The following TENT4A variants were observed in gnomAD, a reference collection of about 807,000 sequenced individuals.
TENT4A encodes the protein terminal nucleotidyltransferase 4A, also known as DNA polymerase kappa.
Under a neutral mutation model 72.8 loss-of-function variants are expected in TENT4A, and 7 were observed. The ratio of observed to expected loss-of-function variants is 0.10; its 90% CI spans 0.05 to 0.18. The LOEUF (loss-of-function observed/expected upper bound fraction) is 0.18, where lower values mean the gene tolerates loss of function less well. TENT4A is among the 10% of genes least tolerant of loss of function. The probability of loss-of-function intolerance (pLI) is 1.00; values close to 1 mark genes in which losing one functional copy is unlikely to be tolerated. For missense variants in TENT4A, 831 were observed against 1,017.7 expected (o/e 0.82, Z 2.50); for synonymous variants, 456 against 434.3 (o/e 1.05, Z -0.62).
At chr5:6,726,853 G>A (rs114257432) in intron 1 of TENT4A, among the ~76,000 whole-genome samples, 1,766 of 152,254 alleles carry the variant, frequency 0.012, 34 homozygotes, top group African/African-American at 0.04. Flanking sequence ...TTGAGGATCC[G>A]GATATAGACT....
intron 1 of TENT4A, among the ~76,000 whole-genome samples, chr5:6,732,251 C>T (rs1741252901): frequency 6.6e-6 from 1 of 152,236 alleles, no homozygotes; most frequent in Non-Finnish European, 1.5e-5. Context: ...CCAGCCAGTC[C>T]TCCCTGGCTT....
chr5:6,742,138 A>G (rs1741837991), intron 4 of TENT4A, among the ~76,000 whole-genome samples: 1 of 152,218 alleles, frequency 6.6e-6, no homozygotes, highest in Admixed American at 6.5e-5. Flanking sequence ...AATTCTGCCA[A>G]ATAAAAGTCT....
intron 1 of TENT4A, among the ~76,000 whole-genome samples, chr5:6,736,302 A>T (rs1331938015): frequency 6.6e-6 from 1 of 152,124 alleles, no homozygotes; most frequent in Non-Finnish European, 1.5e-5. Flanking sequence ...TTAACCTTAC[A>T]CAAGAGCCAA....
Position 6,751,065 on chromosome 5 carries a change from G to T in TENT4A, c.1887G>T (p.Thr629=). ...ATTCAGACACACCGCCCTGCACAAC[G>T]CCCAGTGTTTACCAGTTCAGTCTGC... ...DVDSDTPPCT[T]PSVYQFSLQA... is the part of the protein sequence containing the mutation. The change falls in exon 11 of 13, where the codon ACG becomes ACT. Residue 629 remains threonine, a synonymous_variant. Coordinates refer to ENST00000230859, the MANE Select transcript of TENT4A (RefSeq NM_006999.6). 6.2e-7 allele frequency: 1 copy of T among 1,613,956 alleles called. No individual in the cohort carries two copies. The highest frequency in any genetic ancestry group is 8.5e-7 in the Non-Finnish European group (1 of 1,179,966).
rs1488932374 is a variant in TENT4A, at chr5:6,751,043, C to T, written c.1865C>T (p.Ser622Leu). The T allele has an allele frequency of 1.2e-6, 2 of 1,613,594 alleles. No homozygotes were observed. Among genetic ancestry groups the T allele is most frequent in the Admixed American group, 3.3e-5 (2 of 59,978 alleles). Residue 622 changes from serine (S) to leucine (L), a missense_variant, in exon 11 of 13, where the codon TCA (serine) becomes TTA (leucine). By Grantham distance (145) the Ser-to-Leu change is moderately radical (BLOSUM62 -2). Transcript: ENST00000230859. ...GTTTTTTGTACCGGGTTCAAGGATT[C>T]AGACACACCGCCCTGCACAACGCCC... The part of the protein sequence containing the change: ...VSSLSGSDVD[S>L]DTPPCTTPSV...
chr5:6,713,750 CCGCGGCCT>C lies in TENT4A; in HGVS notation c.-233_-226del, dbSNP rs984697973. The C allele has an allele frequency of 6.8e-6, 1 of 146,588 alleles. No individual in the cohort carries two copies. Among genetic ancestry groups the C allele is most frequent in the African/African-American group, 2.5e-5 (1 of 40,662 alleles). The allele number at this position is 146,588 out of a possible 1,614,324, so 9.1% of individuals were successfully genotyped here. The stretch of plus-strand genomic sequence containing the variant: ...ACGCGCCAAGCGCCGGAGCCGCCCG[CCGCGGCCT>C]GCCGGGGCCCATCACCGCCGCCGCC... On this transcript the variant is annotated 5_prime_UTR_variant, in exon 1 of 13. Transcript: ENST00000230859.
chr5:6,737,769 T>G, intron 2 of TENT4A, 136 bp downstream of exon 2: 1 of 965,862 alleles, frequency 1.0e-6, no homozygotes, highest in Non-Finnish European at 1.5e-6. Context: ...CAAGTGTGCT[T>G]TGAGAAGGCC....
chr5:6,727,979 C>G (rs58000742), intron 1 of TENT4A, among the ~76,000 whole-genome samples: 3,436 of 152,322 alleles, frequency 0.023, 96 homozygotes, highest in African/African-American at 0.068. Context: ...CTGTCTCCCT[C>G]TCTCTCACTC....
chr5:6,715,088 T>G, intron 1 of TENT4A: 1 of 155,612 alleles, frequency 6.4e-6, no homozygotes, highest in Non-Finnish European at 1.4e-5. Flanking sequence ...CAGAATAATT[T>G]AGCATTGCCA....
chr5:6,748,424 G>A, intron 7 of TENT4A, 40 bp from the exon 8 acceptor site: 1 of 1,608,504 alleles, frequency 6.2e-7, no homozygotes, highest in African/African-American at 1.3e-5. Context: ...GGACGATGGT[G>A]TGCATGTGGG....
Position 6,714,254 on chromosome 5 carries a change from G to T in TENT4A, c.271G>T (p.Ala91Ser). 1.9e-6 allele frequency: 2 copies of T among 1,033,884 alleles called. No individual in the cohort carries two copies. The highest frequency in any genetic ancestry group is 1.7e-4 in the East Asian group (2 of 12,016). The allele number at this position is 1,033,884 out of a possible 1,614,324, so 64.0% of individuals were successfully genotyped here. Residue 91 changes from alanine to serine, a missense_variant, in exon 1 of 13, where the codon GCG becomes TCG. By Grantham distance (99) the Ala-to-Ser change is moderately conservative. Transcript: ENST00000230859. The part of the protein sequence containing the change: ...PAALPPALLT[A>S]LGPAAEGARR... Reference sequence around the variant, plus strand: ...CGCGCTGCCCCCCGCGCTGCTGACGGCGCTGGGGCCCGCGGCCGAGGGCGC... The same window carrying T: ...CGCGCTGCCCCCCGCGCTGCTGACGTCGCTGGGGCCCGCGGCCGAGGGCGC...
chr5:6,727,131 T>G (rs1236046986), intron 1 of TENT4A, among the ~76,000 whole-genome samples: 2 of 152,200 alleles, frequency 1.3e-5, no homozygotes, highest in Non-Finnish European at 2.9e-5. Context: ...GAGCAGGGCA[T>G]CCTGGGCTTC....
rs761127883 is a variant in TENT4A, at chr5:6,739,824, G to A, written c.980G>A (p.Cys327Tyr). The A allele has an allele frequency of 1.9e-6, 3 of 1,614,236 alleles. No homozygotes were observed. In the South Asian group the frequency reaches 3.3e-5, roughly 18 times the overall value. ...ALRKHNVAEPCSIKVLDKATV... is the reference protein window; with the variant it reads ...ALRKHNVAEPYSIKVLDKATV... ...CGGAAGCACAACGTGGCTGAGCCGT[G>A]TTCCATCAAAGTCCTTGACAAGGCT... The change falls in exon 4 of 13, where the codon TGT becomes TAT. Residue 327 changes from cysteine (C) to tyrosine (Y), a missense_variant. Around this residue, in one of 3 missense-constraint regions of TENT4A, gnomAD observed 197 missense variants for 399.6 expected, o/e 0.49. Transcript: ENST00000230859.
chr5:6,751,447 T>G, intron 11 of TENT4A: 1 of 286,120 alleles, frequency 3.5e-6, no homozygotes, highest in Non-Finnish European at 6.3e-6. Context: ...CCAGGTTGAC[T>G]GCCTTCCTGC....
chr5:6,753,003 C>G lies in TENT4A; in HGVS notation c.2150C>G (p.Pro717Arg), dbSNP rs1178941524. 1 of 1,614,092 alleles carries G rather than the reference C, an allele frequency of 6.2e-7. No individual in the cohort carries two copies. Among genetic ancestry groups the G allele is most frequent in the African/African-American group, 1.3e-5 (1 of 74,934 alleles). The change falls in exon 12 of 13, where the codon CCC becomes CGC. Residue 717 changes from proline (P) to arginine (R), a missense_variant. By Grantham distance (103) the Pro-to-Arg change is moderately radical. Around this residue, in one of 3 missense-constraint regions of TENT4A, gnomAD observed 332 missense variants for 324.3 expected, o/e 1.02. Coordinates refer to ENST00000230859, the MANE Select transcript of TENT4A (RefSeq NM_006999.6). ...MSSPAIPSAS[P>R]NPLSSPHLYH... ...TCCCCGGCCATTCCCTCAGCGTCCC[C>G]CAACCCGCTCTCGAGCCCTCATCTG...
chr5:6,726,971 C>T (rs1380083883), intron 1 of TENT4A, among the ~76,000 whole-genome samples: 1 of 152,104 alleles, frequency 6.6e-6, no homozygotes, highest in African/African-American at 2.4e-5. Flanking sequence ...GCCCAGCCTC[C>T]CAGAGACCTT....
chr5:6,716,524 A>T (rs1209794197), intron 1 of TENT4A, among the ~76,000 whole-genome samples: 6 of 152,006 alleles, frequency 3.9e-5, no homozygotes, highest in African/African-American at 1.5e-4. Context: ...CCTTTGATGC[A>T]CTCTGGTCCT....
Position 6,713,919 on chromosome 5 carries a change from G to T in TENT4A, c.-65G>T, listed in dbSNP as rs1740222924. 2.9e-6 allele frequency: 2 copies of T among 681,770 alleles called. No individual in the cohort carries two copies. Among genetic ancestry groups the T allele is most frequent in the Non-Finnish European group, 3.6e-6 (2 of 555,874 alleles). The allele number at this position is 681,770 out of a possible 1,614,324, so 42.2% of individuals were successfully genotyped here. A position where few individuals can be genotyped will look rare whatever the true frequency, so the allele number is the denominator to read the frequency against. On this transcript the variant is annotated 5_prime_UTR_variant, in exon 1 of 13. Transcript: ENST00000230859. ...CGTGCGCGCGCGGCCGGGCCTCGGG[G>T]CGCGGCGGGGGCGGGGCCGCGTCGG...
intron 7 of TENT4A, 47 bp from the exon 8 acceptor site, chr5:6,748,417 C>T (rs182468223): frequency 1.2e-5 from 19 of 1,605,916 alleles, no homozygotes; most frequent in Admixed American, 1.2e-4. Context: ...AACATGTGGA[C>T]GATGGTGTGC....
Sources: gnomAD v4.1 joint callset for allele counts (sites outside exome capture counted in the v4.1 genomes callset) on GRCh38, gnomAD v4.1.1 for gene constraint, gnomAD v4.1.1 regional missense constraint, MANE v1.5 for transcripts, NCBI Gene and HGNC (gene_info 2026-07-23, HGNC 2026-07-21) for gene names.